The following ROBO2 variants were observed in gnomAD, a reference collection of about 807,000 sequenced individuals.
ROBO2 encodes the protein roundabout homolog 2.
Under a neutral mutation model 160.8 loss-of-function variants are expected in ROBO2, and 53 were observed. The observed-to-expected ratio is 0.33, with a 90% CI of 0.26 to 0.41. The LOEUF is 0.41. Among genes scored for constraint, ROBO2 ranks in the 10% least tolerant of loss-of-function variants. ROBO2 has a pLI of 1.00. For synonymous variants in ROBO2, 664 were observed against 611.7 expected, an observed-to-expected ratio of 1.09 and a Z score of -1.26; for missense variants, 1,577 against 1,722.4, an observed-to-expected ratio of 0.92 and a Z score of 1.49.
intron 2 of ROBO2, among the ~76,000 whole-genome samples, chr3:76,662,965 G>A (rs1282375209): frequency 6.6e-6 from 1 of 152,120 alleles, no homozygotes; most frequent in Non-Finnish European, 1.5e-5. Context: ...ATGAGTCAGG[G>A]TCAGACTTGG....
At chr3:76,495,606 T>C (rs1253335857) in intron 2 of ROBO2, among the ~76,000 whole-genome samples, 2 of 151,920 alleles carry the variant, frequency 1.3e-5, no homozygotes, top group Admixed American at 1.3e-4. Context: ...TTTTTTTAGA[T>C]TGTATGTGCT....
chr3:76,529,536 T>C (rs2082115763), intron 2 of ROBO2, among the ~76,000 whole-genome samples: 1 of 152,180 alleles, frequency 6.6e-6, no homozygotes, highest in Non-Finnish European at 1.5e-5. Context: ...TGGCATATTG[T>C]GAAATAAAAA....
At chr3:76,774,913 C>T (rs915165787) in intron 2 of ROBO2, among the ~76,000 whole-genome samples, 1 of 149,588 alleles carries the variant, frequency 6.7e-6, no homozygotes, top group Non-Finnish European at 1.5e-5. Flanking sequence ...AAAGCTGGCA[C>T]GAAGGCTCAA....
At chr3:76,645,104 A>G (rs2090900780) in intron 2 of ROBO2, among the ~76,000 whole-genome samples, 1 of 152,200 alleles carries the variant, frequency 6.6e-6, no homozygotes, top group Non-Finnish European at 1.5e-5. Context: ...TGAAAAGAAA[A>G]ACTAAGGTCC....
At chr3:76,531,619 T>TC (rs921300544) in intron 2 of ROBO2, among the ~76,000 whole-genome samples, 61 of 143,726 alleles carry the variant, frequency 4.2e-4, no homozygotes, top group Non-Finnish European at 8.6e-4. Context: ...TTGTACAGTT[T>TC]CTTTTTTTTT....
At chr3:76,805,846 C>T (rs1290362549) in intron 2 of ROBO2, among the ~76,000 whole-genome samples, 1 of 151,754 alleles carries the variant, frequency 6.6e-6, no homozygotes, top group Non-Finnish European at 1.5e-5. Context: ...AATTAAAGTC[C>T]CCCTCTGTAT....
chr3:77,621,857 G>C (rs1021596846), intron 22 of ROBO2, among the ~76,000 whole-genome samples: 19 of 152,126 alleles, frequency 1.2e-4, no homozygotes, highest in African/African-American at 4.6e-4. Context: ...GTAGAATTTT[G>C]ACACTAAACT....
chr3:76,108,519 TC>T (rs2070056436), intron 2 of ROBO2, among the ~76,000 whole-genome samples: 1 of 151,974 alleles, frequency 6.6e-6, no homozygotes, highest in South Asian at 2.1e-4. Context: ...AAAGATTTTG[TC>T]CAAATTTTTT....
At chr3:77,521,239 A>C (rs559042491) in intron 5 of ROBO2, among the ~76,000 whole-genome samples, 6 of 151,332 alleles carry the variant, frequency 4.0e-5, no homozygotes, top group African/African-American at 1.4e-4. Context: ...CAAGCACATT[A>C]AGAGGCCAAG....
At chr3:76,127,924 C>T (rs1160941426) in intron 2 of ROBO2, among the ~76,000 whole-genome samples, 2 of 110,688 alleles carry the variant, frequency 1.8e-5, no homozygotes, top group Non-Finnish European at 3.5e-5. Flanking sequence ...GAGACGAAGT[C>T]CCACTCTGTC....
chr3:77,049,889 A>G (rs1483517294), intron 1 of ROBO2, among the ~76,000 whole-genome samples: 2 of 152,212 alleles, frequency 1.3e-5, no homozygotes, highest in Non-Finnish European at 2.9e-5. Context: ...AGCACTTATA[A>G]CCAATTAAAA....
At chr3:76,433,402 A>G (rs1024204911) in intron 2 of ROBO2, among the ~76,000 whole-genome samples, 39 of 152,330 alleles carry the variant, frequency 2.6e-4, no homozygotes, top group African/African-American at 8.4e-4. Flanking sequence ...ACTTTTATTT[A>G]TCTTAAATTT....
intron 2 of ROBO2, among the ~76,000 whole-genome samples, chr3:76,539,220 G>T (rs1304648691): frequency 6.6e-6 from 1 of 152,058 alleles, no homozygotes; most frequent in Admixed American, 6.6e-5. Context: ...GGGAGGGAGA[G>T]CATTAGGATA....
At chr3:77,555,605 G>T (rs1245342013) in intron 8 of ROBO2, among the ~76,000 whole-genome samples, 1 of 151,830 alleles carries the variant, frequency 6.6e-6, no homozygotes, top group Non-Finnish European at 1.5e-5. Context: ...TTCTCTCAGA[G>T]AATTAGGAAA....
intron 2 of ROBO2, among the ~76,000 whole-genome samples, chr3:76,186,409 C>T (rs1032371829): frequency 6.6e-6 from 1 of 152,046 alleles, no homozygotes; most frequent in African/African-American, 2.4e-5. Context: ...GATCAGTTCT[C>T]GTACTTGGTT....
At chr3:76,377,353 C>T (rs2076397854) in intron 2 of ROBO2, among the ~76,000 whole-genome samples, 1 of 152,110 alleles carries the variant, frequency 6.6e-6, no homozygotes, top group Admixed American at 6.6e-5. Flanking sequence ...TATCATGCTT[C>T]AGGCATTGTT....
intron 2 of ROBO2, among the ~76,000 whole-genome samples, chr3:76,270,531 C>A (rs146880260): frequency 6.6e-6 from 1 of 151,984 alleles, no homozygotes; most frequent in Non-Finnish European, 1.5e-5. Context: ...ACTCCTTCTT[C>A]CCCATCCCCC....
intron 1 of ROBO2, among the ~76,000 whole-genome samples, chr3:75,908,184 T>G (rs915337874): frequency 7.2e-5 from 11 of 152,176 alleles, no homozygotes; most frequent in Non-Finnish European, 1.5e-4. Flanking sequence ...AATTCAGGTG[T>G]GAAATTGAAA....
intron 5 of ROBO2, among the ~76,000 whole-genome samples, chr3:77,519,031 T>A (rs1289460470): frequency 1.3e-5 from 2 of 151,536 alleles, no homozygotes; most frequent in East Asian, 1.9e-4. Context: ...ATAGATTTGC[T>A]GTTTTATTTT....
Sources: allele counts gnomAD v4.1 joint callset (sites outside exome capture counted in the v4.1 genomes callset), GRCh38; gene constraint gnomAD v4.1.1; transcripts MANE v1.5; gene names NCBI Gene and HGNC (gene_info 2026-07-23, HGNC 2026-07-21).